Variants in AKAP6 observed in about 807,000 individuals in gnomAD.
AKAP6 encodes A-kinase anchor protein 6.
AKAP6 carries 58 observed loss-of-function variants against 188.5 expected under a neutral mutation model. That is an observed-to-expected ratio of 0.31 (90% CI 0.25 to 0.38). The LOEUF (loss-of-function observed/expected upper bound fraction) is 0.38, where lower values mean the gene tolerates loss of function less well. Ranked by LOEUF, AKAP6 falls within the 10% of genes least tolerant of loss-of-function variation. The probability of loss-of-function intolerance (pLI) is 1.00; values close to 1 mark genes in which losing one functional copy is unlikely to be tolerated. For missense variants in AKAP6, 2,710 were observed against 2,740.0 expected, an observed-to-expected ratio of 0.99 and a Z score of 0.24; for synonymous variants, 989 against 998.6, an observed-to-expected ratio of 0.99 and a Z score of 0.18.
chr14:32,660,938 C>A (rs1278285920), intron 7 of AKAP6, among the ~76,000 whole-genome samples: 4 of 107,290 alleles, frequency 3.7e-5, no homozygotes, highest in Non-Finnish European at 7.5e-5. Context: ...CCCCCCCTCC[C>A]AATTCCAGCC....
chr14:32,640,468 C>T (rs1234089979), intron 7 of AKAP6, among the ~76,000 whole-genome samples: 2 of 152,090 alleles, frequency 1.3e-5, no homozygotes, highest in Non-Finnish European at 2.9e-5. Context: ...TTCTTCTCAA[C>T]GTGTCTTTTA....
chr14:32,531,386 A>C (rs1019496495), intron 2 of AKAP6, among the ~76,000 whole-genome samples: 2 of 152,208 alleles, frequency 1.3e-5, no homozygotes, highest in African/African-American at 4.8e-5. Context: ...TACCGTCATG[A>C]CTTTAAAGAG....
chr14:32,472,398 A>G (rs1878831275), intron 2 of AKAP6, among the ~76,000 whole-genome samples: 1 of 152,130 alleles, frequency 6.6e-6, no homozygotes, highest in Non-Finnish European at 1.5e-5. Context: ...GTGGGGTAGG[A>G]GGAGGGCAAG....
intron 9 of AKAP6, among the ~76,000 whole-genome samples, chr14:32,702,373 T>C (rs1215830874): frequency 6.6e-6 from 1 of 152,104 alleles, no homozygotes; most frequent in Non-Finnish European, 1.5e-5. Flanking sequence ...GATGAATCAG[T>C]GTTTGCTATG....
At chr14:32,727,513 GT>G (rs1248172716) in intron 9 of AKAP6, among the ~76,000 whole-genome samples, 1 of 152,108 alleles carries the variant, frequency 6.6e-6, no homozygotes, top group Non-Finnish European at 1.5e-5. Context: ...AATATTTGTA[GT>G]TTGATTTATA....
chr14:32,481,616 A>G (rs1002907764), intron 2 of AKAP6, among the ~76,000 whole-genome samples: 5 of 152,106 alleles, frequency 3.3e-5, no homozygotes, highest in African/African-American at 7.2e-5. Flanking sequence ...CACGGGAACA[A>G]CAGGGGAAAA....
chr14:32,531,868 A>AT (rs949412236), intron 2 of AKAP6, among the ~76,000 whole-genome samples: 1 of 152,176 alleles, frequency 6.6e-6, no homozygotes, highest in African/African-American at 2.4e-5. Flanking sequence ...ACCATAGTTC[A>AT]TTTATCTGTT....
rs2034842698 is a variant in AKAP6, at chr14:32,833,520, T to G, written c.*3715T>G. 6.6e-6 allele frequency: 1 copy of G among 152,216 alleles called. No individual in the cohort carries two copies. Among genetic ancestry groups the G allele is most frequent in the Non-Finnish European group, 1.5e-5 (1 of 68,046 alleles). The allele number at this position is 152,216 out of a possible 1,614,324, so 9.4% of individuals were successfully genotyped here. A position where few individuals can be genotyped will look rare whatever the true frequency, so the allele number is the denominator to read the frequency against. ...TAGATTTCTGGTCACTGAATAAATA[T>G]GCATCTTATACAACACAGAACAACC... On this transcript the variant is annotated 3_prime_UTR_variant, in exon 14 of 14. Transcript: ENST00000280979.
chr14:32,385,756 T>A (rs1888512194), intron 1 of AKAP6, among the ~76,000 whole-genome samples: 1 of 151,556 alleles, frequency 6.6e-6, no homozygotes, highest in Admixed American at 6.6e-5. Flanking sequence ...TTTTTATGGC[T>A]GAGTAGTATT....
chr14:32,556,766 C>T (rs941173413), intron 4 of AKAP6, among the ~76,000 whole-genome samples: 1 of 152,090 alleles, frequency 6.6e-6, no homozygotes, highest in African/African-American at 2.4e-5. Flanking sequence ...GATGTAGTTT[C>T]ATTTATCTAT....
At chr14:32,365,946 G>A (rs1419113254) in intron 1 of AKAP6, among the ~76,000 whole-genome samples, 2 of 152,064 alleles carry the variant, frequency 1.3e-5, no homozygotes, top group Non-Finnish European at 2.9e-5. Context: ...CTGCTTCCTG[G>A]GTTCCTTGCC....
chr14:32,434,802 C>T (rs1385621736), intron 2 of AKAP6, among the ~76,000 whole-genome samples: 3 of 152,196 alleles, frequency 2.0e-5, no homozygotes, highest in Admixed American at 2.0e-4. Flanking sequence ...AGAGCAGGCT[C>T]AGCCTTCTCA....
At chr14:32,413,399 T>C (rs1435860700) in intron 1 of AKAP6, among the ~76,000 whole-genome samples, 1 of 151,978 alleles carries the variant, frequency 6.6e-6, no homozygotes, top group Admixed American at 6.6e-5. Context: ...CCCAGGCTGC[T>C]CTCAAACTCC....
chr14:32,777,914 G>A (rs913350001), intron 12 of AKAP6, among the ~76,000 whole-genome samples: 2 of 152,016 alleles, frequency 1.3e-5, no homozygotes, highest in Non-Finnish European at 2.9e-5. Context: ...AGACACATGC[G>A]TGCAGTCCCA....
intron 7 of AKAP6, among the ~76,000 whole-genome samples, chr14:32,671,345 G>A (rs1367973377): frequency 6.6e-6 from 1 of 152,162 alleles, no homozygotes; most frequent in Non-Finnish European, 1.5e-5. Flanking sequence ...TGATTGGGGT[G>A]TGTTCAAGAG....
intron 2 of AKAP6, among the ~76,000 whole-genome samples, chr14:32,435,480 G>A (rs1890349545): frequency 6.6e-6 from 1 of 152,186 alleles, no homozygotes; most frequent in Admixed American, 6.5e-5. Flanking sequence ...TATATTTAGT[G>A]TTTGAGAAAC....
rs2031227170 is a variant in AKAP6, at chr14:32,732,544, C to T, written c.3091C>T (p.Pro1031Ser). ...EALKKGGVLL[P>S]NDLLEKVDSI... ...TTTGAAGAAAGGTGGCGTTTTACTA[C>T]CAAATGATCTCCTTGAAAAAGTGGA... The change falls in exon 10 of 14, where the codon CCA (proline) becomes TCA (serine). Residue 1031 changes from proline to serine, a missense_variant. Physicochemically the swap from Pro to Ser is moderately conservative, Grantham distance 74 (BLOSUM62 -1). Transcript: ENST00000280979. The T allele has an allele frequency of 6.2e-7, 1 of 1,613,420 alleles. No individual in the cohort carries two copies. Among genetic ancestry groups the T allele is most frequent in the South Asian group, 1.1e-5 (1 of 91,068 alleles).
intron 7 of AKAP6, among the ~76,000 whole-genome samples, chr14:32,645,714 G>A (rs1016051727): frequency 5.3e-5 from 8 of 152,140 alleles, no homozygotes; most frequent in Non-Finnish European, 1.0e-4. Context: ...GCAGGTGGGT[G>A]ATAAAGGAGG....
chr14:32,543,590 GC>G lies in AKAP6; in HGVS notation c.577-1638del, dbSNP rs538653360. ...AGTGGGATTGGTAGTTCAATTTTTA[GC>G]CTTTTTGAGGAAAAGTTTGGATTTT... On this transcript the variant is annotated intron_variant, in intron 3 of 13. Coordinates refer to ENST00000280979, the MANE Select transcript of AKAP6 (RefSeq NM_004274.5). 3.3e-4 allele frequency among the ~76,000 whole-genome samples: 50 copies of G among 152,196 alleles called. No homozygotes were observed. The South Asian group carries it at 0.01, about 31-fold the overall frequency.
Sources: gnomAD v4.1 joint callset for allele counts (sites outside exome capture counted in the v4.1 genomes callset) on GRCh38, gnomAD v4.1.1 for gene constraint, MANE v1.5 for transcripts, NCBI Gene and HGNC (gene_info 2026-07-23, HGNC 2026-07-21) for gene names.